C8orf89: variants seen among roughly 807,000 people sequenced by gnomAD.
C8orf89 encodes the protein putative uncharacterized protein C8orf89.
C8orf89 carries 14 observed loss-of-function variants against 15.8 expected under a neutral mutation model. That is an observed-to-expected ratio of 0.89 (90% CI 0.59 to 1.39). The LOEUF (loss-of-function observed/expected upper bound fraction) is 1.39. Among genes scored for constraint, C8orf89 ranks in the 40% most tolerant of loss-of-function variants. The pLI is 0.00. For synonymous variants in C8orf89, 55 were observed against 62.2 expected, an observed-to-expected ratio of 0.88 and a Z score of 0.54; for missense variants, 181 against 184.5, an observed-to-expected ratio of 0.98 and a Z score of 0.11.
At chr8:73,256,848 T>A (rs1278964943) in intron 2 of C8orf89, 125 bp downstream of exon 2, 4 of 548,024 alleles carry the variant, frequency 7.3e-6, no homozygotes, top group Non-Finnish European at 1.1e-5. Context: ...TTAAATCCTT[T>A]ATGTAAAAAA....
At chr8:73,245,524 A>G (rs2130247963) in intron 3 of C8orf89, among the ~76,000 whole-genome samples, 1 of 152,262 alleles carries the variant, frequency 6.6e-6, no homozygotes, top group South Asian at 2.1e-4. Flanking sequence ...GGAGAAATCA[A>G]TGAAGTAGAA....
Position 73,257,054 on chromosome 8 carries a change from C to A in C8orf89, c.200G>T (p.Ser67Ile), listed in dbSNP as rs1217661184. Reference sequence around the variant, plus strand: ...AGTTGAACTTACACTTTTTTGGCAACTTTGCAGTCCTGGTAAATATGGCAT... The same window carrying A: ...AGTTGAACTTACACTTTTTTGGCAAATTTGCAGTCCTGGTAAATATGGCAT... ...IKMPYLPGLQ[S>I]CQKSVSSTPL... The change falls in exon 2 of 4, where the codon AGT (serine) becomes ATT (isoleucine). Residue 67 changes from serine to isoleucine, a missense_variant. Coordinates refer to ENST00000624510, the MANE Select transcript of C8orf89 (RefSeq NM_001243237.3). The A allele has an allele frequency of 3.3e-6, 5 of 1,535,768 alleles. No homozygotes were observed. The Admixed American group carries it at 7.8e-5, about 24-fold the overall frequency.
the C8orf89 span, among the ~76,000 whole-genome samples, chr8:73,284,799 T>G: frequency 1.3e-5 from 2 of 152,208 alleles, no homozygotes; most frequent in Non-Finnish European, 2.9e-5. Flanking sequence ...CAAGAGATTT[T>G]AACTTGTTAA....
At chr8:73,256,000 C>T (rs1169690322) in intron 2 of C8orf89, among the ~76,000 whole-genome samples, 1 of 150,942 alleles carries the variant, frequency 6.6e-6, no homozygotes, top group African/African-American at 2.4e-5. Flanking sequence ...AGGAGATATA[C>T]CTAATGCTAA....
At chr8:73,274,699 T>C in the C8orf89 span, among the ~76,000 whole-genome samples, 1 of 152,212 alleles carries the variant, frequency 6.6e-6, no homozygotes, top group Admixed American at 6.5e-5. Context: ...TTGGTGTGAA[T>C]CCTTGAAGTC....
upstream of C8orf89, among the ~76,000 whole-genome samples, chr8:73,261,074 G>A (rs777054392): frequency 6.6e-6 from 1 of 152,090 alleles, no homozygotes; most frequent in Non-Finnish European, 1.5e-5. Context: ...AGGGGCTCTC[G>A]GTACTGTCAG....
chr8:73,275,227 A>G, the C8orf89 span, among the ~76,000 whole-genome samples: 2 of 134,980 alleles, frequency 1.5e-5, no homozygotes, highest in African/African-American at 5.5e-5. Context: ...CACTTGTAAT[A>G]GTTCTTTTTT....
At chr8:73,247,134 T>C (rs984221438) in intron 3 of C8orf89, among the ~76,000 whole-genome samples, 11 of 152,214 alleles carry the variant, frequency 7.2e-5, no homozygotes, top group Admixed American at 2.0e-4. Flanking sequence ...GATTATTTCT[T>C]CACCTGAGTA....
chr8:73,266,198 G>T, the C8orf89 span, among the ~76,000 whole-genome samples: 1 of 152,244 alleles, frequency 6.6e-6, no homozygotes, highest in Non-Finnish European at 1.5e-5. Context: ...GGAGACAGAA[G>T]AGTGAAAACC....
intron 1 of C8orf89, among the ~76,000 whole-genome samples, chr8:73,258,760 A>T (rs1447275082): frequency 1.3e-5 from 2 of 151,542 alleles, no homozygotes; most frequent in African/African-American, 4.9e-5. Flanking sequence ...CCTCCTGAGT[A>T]GCCGGGACCA....
chr8:73,260,284 G>T (rs1813498411), upstream of C8orf89, among the ~76,000 whole-genome samples: 1 of 151,662 alleles, frequency 6.6e-6, no homozygotes, highest in Non-Finnish European at 1.5e-5. Flanking sequence ...ACTATCGCAA[G>T]GACAAAAAAA....
At chr8:73,266,285 A>G in the C8orf89 span, among the ~76,000 whole-genome samples, 1 of 152,198 alleles carries the variant, frequency 6.6e-6, no homozygotes. Flanking sequence ...GAGTGAATGG[A>G]CCTGCTTATG....
intron 1 of C8orf89, among the ~76,000 whole-genome samples, chr8:73,257,493 G>A (rs1262254921): frequency 6.6e-6 from 1 of 152,180 alleles, no homozygotes; most frequent in African/African-American, 2.4e-5. Flanking sequence ...AGCACTTAGA[G>A]TATTTCCATT....
the C8orf89 span, among the ~76,000 whole-genome samples, chr8:73,278,854 T>C: frequency 6.6e-6 from 1 of 152,268 alleles, no homozygotes; most frequent in East Asian, 1.9e-4. Flanking sequence ...ATAGTCATTT[T>C]AGTGATCCAT....
chr8:73,260,444 G>C (rs1728269123), upstream of C8orf89, among the ~76,000 whole-genome samples: 1 of 152,060 alleles, frequency 6.6e-6, no homozygotes, highest in African/African-American at 2.4e-5. Context: ...TAAATGACAA[G>C]TTAATGGGTG....
intron 3 of C8orf89, among the ~76,000 whole-genome samples, chr8:73,243,757 T>C (rs1813061363): frequency 6.6e-6 from 1 of 152,124 alleles, no homozygotes; most frequent in Non-Finnish European, 1.5e-5. Flanking sequence ...CTCAAACTCC[T>C]GGCTTCAAGT....
At chr8:73,258,116 T>C (rs1563533544) in intron 1 of C8orf89, among the ~76,000 whole-genome samples, 1 of 152,148 alleles carries the variant, frequency 6.6e-6, no homozygotes, top group Non-Finnish European at 1.5e-5. Context: ...ATTTTACTAT[T>C]TTCAAGAATT....
Position 73,257,016 on chromosome 8 carries a change from G to A in C8orf89, c.238C>T (p.Pro80Ser). ...KSVSSTPLEV[P>S]KRLPRADAEV... Reference sequence around the variant, plus strand: ...GCATCAGCACGTGGCAGTCTTTTAGGAACCTCTAGTGGAGTTGAACTTACA... The same window carrying A: ...GCATCAGCACGTGGCAGTCTTTTAGAAACCTCTAGTGGAGTTGAACTTACA... The change falls in exon 2 of 4, where the codon CCT becomes TCT. Residue 80 changes from proline (P) to serine (S), a missense_variant. Coordinates refer to ENST00000624510, the MANE Select transcript of C8orf89 (RefSeq NM_001243237.3). 1 of 1,535,142 alleles carries A rather than the reference G, an allele frequency of 6.5e-7. No individual in the cohort carries two copies. Among genetic ancestry groups the A allele is most frequent in the Non-Finnish European group, 8.7e-7 (1 of 1,146,364 alleles).
intron 2 of C8orf89, among the ~76,000 whole-genome samples, chr8:73,254,335 C>T (rs1393439982): frequency 6.6e-6 from 1 of 151,876 alleles, no homozygotes; most frequent in African/African-American, 2.4e-5. Context: ...TTCGTTTTGC[C>T]AGTATTTTAT....
Sources: allele counts gnomAD v4.1 joint callset (sites outside exome capture counted in the v4.1 genomes callset), GRCh38; gene constraint gnomAD v4.1.1; transcripts MANE v1.5; gene names NCBI Gene and HGNC (gene_info 2026-07-23, HGNC 2026-07-21).